The following KLF12 variants were observed in gnomAD, a reference collection of about 807,000 sequenced individuals.
KLF12 encodes Krueppel-like factor 12.
In KLF12, 9 loss-of-function variants were observed where a neutral mutation model predicts 37.8. The observed-to-expected ratio is 0.24, with a 90% CI of 0.14 to 0.42. The LOEUF (loss-of-function observed/expected upper bound fraction) is 0.42. Ranked by LOEUF, KLF12 falls within the 10% of genes least tolerant of loss-of-function variation. The probability of loss-of-function intolerance (pLI) is 1.00; values close to 1 mark genes in which losing one functional copy is unlikely to be tolerated. For synonymous variants in KLF12, 208 were observed against 202.1 expected, an observed-to-expected ratio of 1.03 and a Z score of -0.25; for missense variants, 411 against 516.0, an observed-to-expected ratio of 0.80 and a Z score of 1.97.
chr13:73,939,161 C>A (rs1265434505), intron 3 of KLF12, among the ~76,000 whole-genome samples: 1 of 152,186 alleles, frequency 6.6e-6, no homozygotes, highest in East Asian at 1.9e-4. Flanking sequence ...TGTAGACACT[C>A]AGGTCAGCTC....
At chr13:74,034,964 TCA>T (rs1172003451) in intron 1 of KLF12, among the ~76,000 whole-genome samples, 1 of 152,224 alleles carries the variant, frequency 6.6e-6, no homozygotes, top group Non-Finnish European at 1.5e-5. Flanking sequence ...ATAGCTTACC[TCA>T]CATCTGTAGT....
At chr13:74,166,192 A>G in the KLF12 span, among the ~76,000 whole-genome samples, 33 of 147,796 alleles carry the variant, frequency 2.2e-4, no homozygotes, top group African/African-American at 8.0e-4. Context: ...TCCCAGGCTC[A>G]GGTGATCCTG....
At chr13:74,033,848 G>C (rs1027466950) in intron 1 of KLF12, among the ~76,000 whole-genome samples, 1 of 151,594 alleles carries the variant, frequency 6.6e-6, no homozygotes, top group Non-Finnish European at 1.5e-5. Flanking sequence ...AAATGGTTAG[G>C]CATACAGAAA....
intron 5 of KLF12, among the ~76,000 whole-genome samples, chr13:73,792,289 T>C (rs1013681018): frequency 3.3e-5 from 5 of 152,242 alleles, no homozygotes; most frequent in African/African-American, 1.2e-4. Context: ...AAGGTCAATA[T>C]TGATCTCTAG....
intron 1 of KLF12, among the ~76,000 whole-genome samples, chr13:74,042,129 C>T (rs139536184): frequency 0.014 from 2,082 of 151,978 alleles, 39 homozygotes; most frequent in African/African-American, 0.044. Context: ...CATGGTAAAA[C>T]CCCATCTCCA....
At chr13:73,878,930 T>C (rs1886845698) in intron 3 of KLF12, among the ~76,000 whole-genome samples, 3 of 152,100 alleles carry the variant, frequency 2.0e-5, no homozygotes, top group Admixed American at 2.0e-4. Flanking sequence ...ATGGAGGCCC[T>C]GTGAGGAGAT....
chr13:73,942,641 G>C (rs983222874), intron 3 of KLF12, among the ~76,000 whole-genome samples: 2 of 152,172 alleles, frequency 1.3e-5, no homozygotes, highest in Non-Finnish European at 2.9e-5. Flanking sequence ...ACCAATGTTA[G>C]TAATTGCCAC....
chr13:73,712,509 A>C (rs1211877682), intron 7 of KLF12, among the ~76,000 whole-genome samples: 1 of 152,208 alleles, frequency 6.6e-6, no homozygotes, highest in Non-Finnish European at 1.5e-5. Context: ...AACACTGTCC[A>C]AATTACAATG....
the KLF12 span, among the ~76,000 whole-genome samples, chr13:74,205,727 G>A: frequency 2.0e-5 from 3 of 152,096 alleles, no homozygotes; most frequent in Admixed American, 6.6e-5. Flanking sequence ...CCGAAACAAA[G>A]CAGCTGGAGC....
chr13:73,712,276 T>C (rs1593991428), intron 7 of KLF12, among the ~76,000 whole-genome samples: 2 of 139,966 alleles, frequency 1.4e-5, no homozygotes, highest in East Asian at 2.0e-4. Flanking sequence ...AGGCGGAGGC[T>C]GAGGTAAGCC....
intron 5 of KLF12, chr13:73,801,054 T>C (rs1468564692): frequency 1.3e-5 from 2 of 152,152 alleles, no homozygotes; most frequent in South Asian, 2.1e-4. Flanking sequence ...CAAAATATCA[T>C]TGAAGATGGC....
At chr13:73,931,679 TAA>T (rs1889687009) in intron 3 of KLF12, among the ~76,000 whole-genome samples, 1 of 152,204 alleles carries the variant, frequency 6.6e-6, no homozygotes, top group African/African-American at 2.4e-5. Flanking sequence ...GAAAGAATGT[TAA>T]ATTTTCAACA....
the KLF12 span, among the ~76,000 whole-genome samples, chr13:74,158,675 A>G: frequency 7.9e-5 from 12 of 152,180 alleles, no homozygotes; most frequent in Admixed American, 3.9e-4. Context: ...TAAAAAGGCC[A>G]TATGTAGATA....
intron 2 of KLF12, among the ~76,000 whole-genome samples, chr13:73,958,402 C>CTAA (rs1890914067): frequency 1.3e-5 from 2 of 151,986 alleles, no homozygotes; most frequent in Non-Finnish European, 2.9e-5. Context: ...ACCACCATGC[C>CTAA]TGGCTAATTT....
intron 5 of KLF12, among the ~76,000 whole-genome samples, chr13:73,799,863 A>G (rs934099540): frequency 6.6e-6 from 1 of 152,190 alleles, no homozygotes; most frequent in African/African-American, 2.4e-5. Context: ...GCTTACATAT[A>G]CAAAACACAA....
intron 3 of KLF12, among the ~76,000 whole-genome samples, chr13:73,934,365 G>A (rs1447238409): frequency 2.6e-5 from 4 of 152,174 alleles, no homozygotes; most frequent in Non-Finnish European, 5.9e-5. Context: ...GTCCTGTGCT[G>A]TCGTTACTAC....
At chr13:74,138,954 C>G in the KLF12 span, among the ~76,000 whole-genome samples, 36,226 of 152,072 alleles carry the variant, frequency 0.24, 6,000 homozygotes, top group African/African-American at 0.47. Context: ...ACGATTCCTG[C>G]ATACCCCACA....
the KLF12 span, among the ~76,000 whole-genome samples, chr13:74,266,565 C>G: frequency 6.6e-6 from 1 of 152,178 alleles, no homozygotes; most frequent in African/African-American, 2.4e-5. Context: ...TTCCTGGTAT[C>G]ATCCTGCTAC....
rs1351578927 is a variant in KLF12, at chr13:73,746,847, C to T, written c.869+18091G>A. On this transcript the variant is annotated intron_variant, in intron 6 of 7. Coordinates refer to ENST00000377669, the MANE Select transcript of KLF12 (RefSeq NM_007249.5). ...TTTTTTTTTGAGATGGAGTCTCTTG[C>T]TCTGTCGCCCAGGCTGGAGTGCAAT... is the stretch of plus-strand genomic sequence containing the variant. 2.5e-5 allele frequency among the ~76,000 whole-genome samples: 3 copies of T among 118,048 alleles called. No homozygotes were observed. In the East Asian group the frequency reaches 7.3e-4, roughly 29 times the overall value. The allele number at this position is 118,048 out of a possible 152,430, so 77.4% of individuals were successfully genotyped here. A position where few individuals can be genotyped will look rare whatever the true frequency, so the allele number is the denominator to read the frequency against.
Sources: gnomAD v4.1 joint callset for allele counts (sites outside exome capture counted in the v4.1 genomes callset) on GRCh38, gnomAD v4.1.1 for gene constraint, MANE v1.5 for transcripts, NCBI Gene and HGNC (gene_info 2026-07-23, HGNC 2026-07-21) for gene names.